The following TENM2 variants were observed in gnomAD, a reference collection of about 807,000 sequenced individuals.
TENM2 encodes the protein teneurin-2.
Under a neutral mutation model 245.2 loss-of-function variants are expected in TENM2, and 52 were observed. The observed-to-expected ratio is 0.21, with a 90% CI of 0.17 to 0.27. The LOEUF is 0.27. Ranked by LOEUF, TENM2 falls within the 10% of genes least tolerant of loss-of-function variation. The pLI is 1.00. For missense variants in TENM2, 3,046 were observed against 3,666.8 expected, an observed-to-expected ratio of 0.83 and a Z score of 4.37; for synonymous variants, 1,363 against 1,438.9, an observed-to-expected ratio of 0.95 and a Z score of 1.19.
intron 2 of TENM2, among the ~76,000 whole-genome samples, chr5:167,545,869 G>A (rs1010868720): frequency 2.0e-5 from 3 of 152,162 alleles, no homozygotes; most frequent in Non-Finnish European, 4.4e-5. Flanking sequence ...GACTTGACAG[G>A]CCATACATAC....
chr5:167,670,548 C>G (rs1755867075), intron 2 of TENM2, among the ~76,000 whole-genome samples: 3 of 151,970 alleles, frequency 2.0e-5, no homozygotes, highest in African/African-American at 7.2e-5. Context: ...AGGAAACAAT[C>G]ATTCACAGAC....
At chr5:167,042,438 T>C in the TENM2 span, among the ~76,000 whole-genome samples, 1 of 152,220 alleles carries the variant, frequency 6.6e-6, no homozygotes, top group African/African-American at 2.4e-5. Flanking sequence ...TAGACGTGAC[T>C]GAACTATGTT....
At chr5:168,170,328 ACT>A (rs1232151512) in intron 13 of TENM2, among the ~76,000 whole-genome samples, 1 of 152,016 alleles carries the variant, frequency 6.6e-6, no homozygotes, top group Non-Finnish European at 1.5e-5. Context: ...ATATGGTGAA[ACT>A]CTGTCTCTAC....
At chr5:167,669,602 C>T (rs997555694) in intron 2 of TENM2, among the ~76,000 whole-genome samples, 3 of 151,990 alleles carry the variant, frequency 2.0e-5, no homozygotes, top group African/African-American at 7.2e-5. Context: ...CCCTTGGCTC[C>T]TGCTTCTCAT....
At chr5:167,413,481 T>C (rs925487988) in intron 2 of TENM2, among the ~76,000 whole-genome samples, 1 of 152,162 alleles carries the variant, frequency 6.6e-6, no homozygotes, top group Admixed American at 6.6e-5. Context: ...ATTGCATTAT[T>C]ATCCATGCTT....
At chr5:167,902,630 A>T (rs951078338) in intron 3 of TENM2, among the ~76,000 whole-genome samples, 1 of 152,186 alleles carries the variant, frequency 6.6e-6, no homozygotes, top group Non-Finnish European at 1.5e-5. Flanking sequence ...AAATGGAATG[A>T]GTTGTATAAA....
intron 3 of TENM2, among the ~76,000 whole-genome samples, chr5:167,917,070 G>A (rs1777008949): frequency 6.6e-6 from 1 of 152,168 alleles, no homozygotes; most frequent in Admixed American, 6.5e-5. Flanking sequence ...GCCTTTGTTT[G>A]ATACTGTCAG....
intron 1 of TENM2, among the ~76,000 whole-genome samples, chr5:167,328,247 G>C (rs572188664): frequency 8.0e-6 from 1 of 125,722 alleles, no homozygotes; most frequent in East Asian, 2.3e-4. Context: ...TTGCTCTGTC[G>C]CCAGGCTGGA....
At chr5:167,508,077 C>T (rs893541789) in intron 2 of TENM2, among the ~76,000 whole-genome samples, 9 of 152,126 alleles carry the variant, frequency 5.9e-5, no homozygotes, top group South Asian at 4.1e-4. Flanking sequence ...AAACGAAAGG[C>T]AGATGTAATG....
chr5:167,793,778 G>A (rs1039727673), intron 2 of TENM2, among the ~76,000 whole-genome samples: 3 of 151,598 alleles, frequency 2.0e-5, no homozygotes, highest in East Asian at 3.9e-4. Flanking sequence ...CAAGGCTGCA[G>A]TGAGCCATGG....
chr5:167,228,927 C>T, the TENM2 span, among the ~76,000 whole-genome samples: 3 of 152,064 alleles, frequency 2.0e-5, no homozygotes, highest in South Asian at 6.2e-4. Flanking sequence ...GTCTCGATCT[C>T]CTGACCTTGT....
intron 1 of TENM2, chr5:167,303,230 T>G (rs886987966): frequency 6.2e-6 from 1 of 160,674 alleles, no homozygotes; most frequent in East Asian, 1.8e-4. Flanking sequence ...GGGATTGATC[T>G]CCCAAGGGAG....
At chr5:167,116,974 T>C in the TENM2 span, among the ~76,000 whole-genome samples, 1 of 152,234 alleles carries the variant, frequency 6.6e-6, no homozygotes, top group Non-Finnish European at 1.5e-5. Context: ...TTTTCGTTAT[T>C]CAAATGCAGT....
intron 15 of TENM2, among the ~76,000 whole-genome samples, chr5:168,195,551 CGTGTGTGTGTGTGT>C (rs35040257): frequency 0.019 from 1,873 of 98,226 alleles, 24 homozygotes; most frequent in South Asian, 0.03. Flanking sequence ...GGTCAATGCA[CGTGTGTGTGTGTGT>C]GTGTGTGTGT....
chr5:167,103,925 C>T, the TENM2 span, among the ~76,000 whole-genome samples: 6 of 152,014 alleles, frequency 3.9e-5, no homozygotes, highest in Admixed American at 6.6e-5. Flanking sequence ...CTTCTTGGCT[C>T]AGCATCGTGA....
chr5:166,979,198 CAGCAGCAGCAGCAGCAG>C, the TENM2 span, among the ~76,000 whole-genome samples: 4 of 38,818 alleles, frequency 1.0e-4, no homozygotes, highest in African/African-American at 1.8e-4. Context: ...CCACCACCAG[CAGCAGCAGCAGCAGCAG>C]CAGCAGCAGC....
chr5:167,839,404 A>G (rs548071765), intron 2 of TENM2, among the ~76,000 whole-genome samples: 2 of 152,328 alleles, frequency 1.3e-5, no homozygotes, highest in Non-Finnish European at 2.9e-5. Context: ...AGAACAGTAA[A>G]TCGGTGAACC....
At position 168,070,648 on chromosome 5, in the gene TENM2, G is replaced by A. The variant is rs528324649; in HGVS notation, c.1515+8383G>A. ...AAAAAAAAAAAAATTAATTATCCAT[G>A]TATGGTGGTATCTGCCCATAGTCCC... On this transcript the variant is annotated intron_variant, in intron 7 of 28. Coordinates refer to ENST00000518659, the Ensembl canonical transcript of TENM2. Among the ~76,000 whole-genome samples, 98 of 150,870 alleles carry A rather than the reference G, an allele frequency of 6.5e-4. 1 individual carries two copies. The highest frequency in any genetic ancestry group is 6.9e-3 in the Middle Eastern group (2 of 290).
exon 5 of TENM2, chr5:167,993,044 C>A (rs377232283): frequency 6.2e-6 from 10 of 1,614,034 alleles, no homozygotes; most frequent in Non-Finnish European, 8.5e-6. Context: ...GCCCCCGCCC[C>A]GCCTGCTGCC....
Sources: allele counts gnomAD v4.1 joint callset (sites outside exome capture counted in the v4.1 genomes callset), GRCh38; gene constraint gnomAD v4.1.1; transcripts MANE v1.5; gene names NCBI Gene and HGNC (gene_info 2026-07-23, HGNC 2026-07-21).